The following SPOPL variants were observed in gnomAD, a reference collection of about 807,000 sequenced individuals.
SPOPL encodes the protein speckle type BTB/POZ protein like.
A neutral mutation model predicts 53.8 loss-of-function variants in SPOPL; 23 were observed. The observed-to-expected ratio is 0.43, with a 90% confidence interval of 0.31 to 0.61. The LOEUF (loss-of-function observed/expected upper bound fraction) is 0.61, where lower values mean the gene tolerates loss of function less well. SPOPL is among the 20% of genes least tolerant of loss of function. The pLI, the probability that SPOPL is intolerant of heterozygous loss-of-function variation, is 0.12. For synonymous variants in SPOPL, 164 were observed against 149.7 expected (o/e 1.10, Z -0.70); for missense variants, 442 against 466.9 (o/e 0.95, Z 0.49).
At position 138,569,011 on chromosome 2, in the gene SPOPL, C is replaced by T; in HGVS notation, c.1110C>T (p.Ala370=). 8 of 1,614,052 alleles carry T rather than the reference C, an allele frequency of 5.0e-6. No homozygotes were observed. Among genetic ancestry groups the T allele is most frequent in the Non-Finnish European group, 6.8e-6 (8 of 1,179,926 alleles). Residue 370 remains alanine (A), a synonymous_variant, in exon 11 of 11, where the codon GCC becomes GCT. Coordinates refer to ENST00000280098, the MANE Select transcript of SPOPL (RefSeq NM_001001664.3). ...CTCACCCTCATTTAGTAGCAGAAGC[C>T]TTTCGAGCACTAGCATCTGCACAGT... is the stretch of plus-strand genomic sequence containing the variant. The part of the protein sequence containing the change: ...IQSHPHLVAE[A]FRALASAQCP...
intron 1 of SPOPL, among the ~76,000 whole-genome samples, chr2:138,521,991 A>G (rs1684569309): frequency 6.6e-6 from 1 of 152,172 alleles, no homozygotes; most frequent in South Asian, 2.1e-4. Flanking sequence ...TCAGACTAGA[A>G]CAGAGGTTCT....
rs760344916 is a variant in SPOPL, at chr2:138,543,793, TGGA to T, written c.-60-6356_-60-6354del. On this transcript the variant is annotated intron_variant, in intron 1 of 10. Transcript: ENST00000280098. ...TTGCTAGTGAGGAGCTGCGTTCCTT[TGGA>T]GGAGGAGAGGCGCTCTGATTTTTAG... 5.0e-3 allele frequency among the ~76,000 whole-genome samples: 759 copies of T among 152,302 alleles called. 5 individuals carry two copies. The highest frequency in any genetic ancestry group is 7.8e-3 in the Non-Finnish European group (530 of 68,032).
At chr2:138,527,581 A>G (rs1006915075) in intron 1 of SPOPL, among the ~76,000 whole-genome samples, 10 of 152,098 alleles carry the variant, frequency 6.6e-5, no homozygotes, top group Non-Finnish European at 1.3e-4. Context: ...TGTCTTATTC[A>G]ATTGTACTTT....
At chr2:138,554,328 T>C (rs1363036661) in intron 5 of SPOPL, 4 of 360,358 alleles carry the variant, frequency 1.1e-5, no homozygotes, top group African/African-American at 6.5e-5. Context: ...TAGGTATTTA[T>C]ACCCTGGGCA....
intron 1 of SPOPL, among the ~76,000 whole-genome samples, chr2:138,533,638 A>G (rs1274071300): frequency 6.6e-6 from 1 of 152,094 alleles, no homozygotes; most frequent in African/African-American, 2.4e-5. Flanking sequence ...TAGAATCTTA[A>G]TTATTCTCCC....
At chr2:138,538,307 C>T (rs1684982349) in intron 1 of SPOPL, among the ~76,000 whole-genome samples, 1 of 152,060 alleles carries the variant, frequency 6.6e-6, no homozygotes, top group Non-Finnish European at 1.5e-5. Flanking sequence ...GTATTTCTGT[C>T]TCCAGCTATT....
intron 1 of SPOPL, among the ~76,000 whole-genome samples, chr2:138,536,651 G>GTT (rs147425780): frequency 1.3e-5 from 2 of 150,856 alleles, no homozygotes; most frequent in African/African-American, 4.9e-5. Flanking sequence ...GTCTTTTCCT[G>GTT]TTTTTTTTTG....
At chr2:138,567,341 G>A (rs1355077809) in intron 10 of SPOPL, among the ~76,000 whole-genome samples, 1 of 149,280 alleles carries the variant, frequency 6.7e-6, no homozygotes, top group Non-Finnish European at 1.5e-5. Context: ...AATGAGATGC[G>A]CAAAGTTTTA....
intron 7 of SPOPL, 82 bp from the exon 8 acceptor site, chr2:138,560,723 A>T: frequency 7.0e-7 from 1 of 1,437,090 alleles, no homozygotes; most frequent in Non-Finnish European, 9.3e-7. Flanking sequence ...AGGGCTTTTA[A>T]ATTACTGTCA....
chr2:138,564,545 T>C, intron 8 of SPOPL, 163 bp from the exon 9 acceptor site: 1 of 743,558 alleles, frequency 1.3e-6, no homozygotes, highest in Non-Finnish European at 2.0e-6. Flanking sequence ...AGTGCATTTG[T>C]TTATATTTAC....
At chr2:138,551,551 T>C (rs1321452421) in intron 4 of SPOPL, among the ~76,000 whole-genome samples, 2 of 151,990 alleles carry the variant, frequency 1.3e-5, no homozygotes, top group Admixed American at 6.6e-5. Flanking sequence ...AAAATTCACA[T>C]ATATAGCCAG....
At chr2:138,502,303 C>T (rs1013439306) in intron 1 of SPOPL, among the ~76,000 whole-genome samples, 184 bp downstream of exon 1, 1 of 152,224 alleles carries the variant, frequency 6.6e-6, no homozygotes, top group Non-Finnish European at 1.5e-5. Flanking sequence ...CCCACGCCCC[C>T]GGACCGCCCT....
At chr2:138,521,461 T>A (rs1273695158) in intron 1 of SPOPL, among the ~76,000 whole-genome samples, 6 of 152,106 alleles carry the variant, frequency 3.9e-5, no homozygotes, top group Non-Finnish European at 7.4e-5. Flanking sequence ...GCTTTTAATC[T>A]TTTCTTTGAA....
At chr2:138,511,631 G>C (rs1208785865) in intron 1 of SPOPL, among the ~76,000 whole-genome samples, 1 of 152,188 alleles carries the variant, frequency 6.6e-6, no homozygotes, top group African/African-American at 2.4e-5. Context: ...CAGAGAGAGA[G>C]AACTGCGGAT....
intron 1 of SPOPL, among the ~76,000 whole-genome samples, chr2:138,513,282 A>G (rs2104857563): frequency 6.6e-6 from 1 of 152,290 alleles, no homozygotes; most frequent in East Asian, 1.9e-4. Flanking sequence ...GGCCGGGCAT[A>G]GTGGCCCACG....
At position 138,572,568 on chromosome 2, in the gene SPOPL, C is replaced by T. The variant is rs1012423693; in HGVS notation, c.*3488C>T. On this transcript the variant is annotated 3_prime_UTR_variant, in exon 11 of 11. Coordinates refer to ENST00000280098, the MANE Select transcript of SPOPL (RefSeq NM_001001664.3). ...TACTTGAAGAGGTGAATTATTCTGA[C>T]TTGGACATGCATGCTCTTTGATGGA... The T allele has an allele frequency of 6.6e-6, 1 of 152,526 alleles. No homozygotes were observed. Among genetic ancestry groups the T allele is most frequent in the South Asian group, 2.1e-4 (1 of 4,828 alleles). The allele number at this position is 152,526 out of a possible 1,614,324, so 9.4% of individuals were successfully genotyped here. A position where few individuals can be genotyped will look rare whatever the true frequency, so the allele number is the denominator to read the frequency against.
intron 1 of SPOPL, among the ~76,000 whole-genome samples, chr2:138,507,741 T>A (rs1323020955): frequency 2.0e-5 from 3 of 152,242 alleles, no homozygotes; most frequent in Admixed American, 6.5e-5. Context: ...GGATTTTTTT[T>A]ATTAATATCC....
intron 3 of SPOPL, 91 bp downstream of exon 3, chr2:138,550,695 G>T: frequency 6.7e-7 from 1 of 1,499,704 alleles, no homozygotes. Flanking sequence ...TCCTGAATGA[G>T]TATTAATGTA....
Position 138,550,193 on chromosome 2 carries a change from C to T in SPOPL, c.-24C>T, listed in dbSNP as rs996941237. The T allele has an allele frequency of 6.2e-7, 1 of 1,610,484 alleles. No homozygotes were observed. Among genetic ancestry groups the T allele is most frequent in the Non-Finnish European group, 8.5e-7 (1 of 1,177,428 alleles). Reference sequence around the variant, plus strand: ...AACTGTGTGGGGTACTACATAAATCCTGAAAGACTACAATAAAGTGGTGAT... The same window carrying T: ...AACTGTGTGGGGTACTACATAAATCTTGAAAGACTACAATAAAGTGGTGAT... On this transcript the variant is annotated 5_prime_UTR_variant, in exon 2 of 11. Coordinates refer to ENST00000280098, the MANE Select transcript of SPOPL (RefSeq NM_001001664.3).
Sources: allele counts gnomAD v4.1 joint callset (sites outside exome capture counted in the v4.1 genomes callset), GRCh38; gene constraint gnomAD v4.1.1; transcripts MANE v1.5; gene names NCBI Gene and HGNC (gene_info 2026-07-23, HGNC 2026-07-21).